The following MGAT4C variants were observed in gnomAD, a reference collection of about 807,000 sequenced individuals.
MGAT4C encodes the protein alpha-1,3-mannosyl-glycoprotein 4-beta-N-acetylglucosaminyltransferase C.
A neutral mutation model predicts 40.1 loss-of-function variants in MGAT4C; 19 were observed. That is an observed-to-expected ratio of 0.47 (90% CI 0.33 to 0.70). MGAT4C has a LOEUF of 0.70. Ranked by LOEUF, MGAT4C falls within the 30% of genes least tolerant of loss-of-function variation. The pLI, the probability that MGAT4C is intolerant of heterozygous loss-of-function variation, is 0.02. For missense variants in MGAT4C, 491 were observed against 563.2 expected (o/e 0.87, Z 1.30); for synonymous variants, 181 against 187.1 (o/e 0.97, Z 0.27).
At chr12:86,777,259 T>C (rs1951762791) in intron 1 of MGAT4C, among the ~76,000 whole-genome samples, 1 of 152,200 alleles carries the variant, frequency 6.6e-6, no homozygotes, top group Non-Finnish European at 1.5e-5. Context: ...AATACAAGCT[T>C]AACAAAATGC....
chr12:86,720,331 T>C (rs187615964), intron 2 of MGAT4C, among the ~76,000 whole-genome samples: 1 of 152,236 alleles, frequency 6.6e-6, no homozygotes, highest in African/African-American at 2.4e-5. Context: ...AGTTATGCAA[T>C]ATCAATTATT....
At chr12:86,023,029 C>A (rs992366247) in intron 2 of MGAT4C, among the ~76,000 whole-genome samples, 2 of 152,022 alleles carry the variant, frequency 1.3e-5, no homozygotes, top group African/African-American at 4.8e-5. Flanking sequence ...TTGATTTTTC[C>A]TGTTTTCTTA....
At chr12:86,725,411 T>G (rs570999600) in intron 2 of MGAT4C, among the ~76,000 whole-genome samples, 1 of 152,286 alleles carries the variant, frequency 6.6e-6, no homozygotes, top group Admixed American at 6.5e-5. Context: ...TCCACAAAAA[T>G]GGGATAAACA....
chr12:86,706,229 A>G (rs1247700568), intron 2 of MGAT4C, among the ~76,000 whole-genome samples: 2 of 152,204 alleles, frequency 1.3e-5, no homozygotes, highest in Non-Finnish European at 2.9e-5. Flanking sequence ...GTCTTACTGG[A>G]TAAATTAAAA....
At position 86,759,255 on chromosome 12, in the gene MGAT4C, T is replaced by A. The variant is rs1951359539; in HGVS notation, c.-261-32014A>T. On this transcript the variant is annotated intron_variant, in intron 1 of 7. Transcript: ENST00000548651. ...TGGCTGAATAGTATTCCATTGTGTATATATACCATGGTGTTTTTTATCCAC... is the reference window on the plus strand; with the variant it reads ...TGGCTGAATAGTATTCCATTGTGTAAATATACCATGGTGTTTTTTATCCAC... 2.6e-5 allele frequency among the ~76,000 whole-genome samples: 4 copies of A among 152,146 alleles called. No homozygotes were observed. The South Asian group carries it at 8.3e-4, about 31-fold the overall frequency.
chr12:86,484,438 C>T (rs757564890), intron 2 of MGAT4C, among the ~76,000 whole-genome samples: 32 of 152,210 alleles, frequency 2.1e-4, no homozygotes, highest in Admixed American at 8.5e-4. Flanking sequence ...GTGCACAGTA[C>T]AGCCTCTGCT....
chr12:86,093,521 G>T (rs1376836589), intron 1 of MGAT4C, among the ~76,000 whole-genome samples: 6 of 152,054 alleles, frequency 3.9e-5, no homozygotes, highest in African/African-American at 1.4e-4. Flanking sequence ...CTGAGCTCAG[G>T]AGTTAGAGAT....
rs961751145 is a variant in MGAT4C, at chr12:86,558,675, C to T, written c.-228-123410G>A. 1.3e-5 allele frequency among the ~76,000 whole-genome samples: 2 copies of T among 152,072 alleles called. 1 individual carries two copies. Among genetic ancestry groups the T allele is most frequent in the South Asian group, 4.2e-4 (2 of 4,818 alleles). On this transcript the variant is annotated intron_variant, in intron 2 of 7. Coordinates refer to the MGAT4C transcript ENST00000548651. The stretch of plus-strand genomic sequence containing the variant: ...AGTCCTATATCTGAAAGTTAAATGA[C>T]AGTATCTACAATTATCAAAACACAT...
rs1194868050 is a variant in MGAT4C at position 85,967,604 on chromosome 12, C to T, written c.*11685G>A. The T allele has an allele frequency of 6.6e-6, 1 of 152,018 alleles. No individual in the cohort carries two copies. The highest frequency in any genetic ancestry group is 2.4e-5 in the African/African-American group (1 of 41,416). 9.4% of individuals were successfully genotyped at this position (152,018 alleles called of 1,614,324 possible). On this transcript the variant is annotated 3_prime_UTR_variant, in exon 5 of 5. Transcript: ENST00000611864. ...TGTATCCATTTATTTAAAAAAGCCT[C>T]ATTTTAGCTAGCAACACTATGTAGA...
intron 2 of MGAT4C, among the ~76,000 whole-genome samples, chr12:86,477,386 C>T (rs971490438): frequency 6.6e-6 from 1 of 151,630 alleles, no homozygotes; most frequent in African/African-American, 2.4e-5. Context: ...ATAAAGAGGA[C>T]CATAGTAGAA....
intron 2 of MGAT4C, among the ~76,000 whole-genome samples, chr12:86,574,052 T>C (rs1960468355): frequency 1.3e-5 from 2 of 151,840 alleles, no homozygotes; most frequent in Admixed American, 6.6e-5. Context: ...AGATACTTTT[T>C]TTTCATTTCC....
At chr12:86,178,002 T>C (rs1566096007) in intron 1 of MGAT4C, among the ~76,000 whole-genome samples, 1 of 152,166 alleles carries the variant, frequency 6.6e-6, no homozygotes, top group Non-Finnish European at 1.5e-5. Context: ...AGTGGCGCGA[T>C]ATTGGCTCAC....
intron 2 of MGAT4C, among the ~76,000 whole-genome samples, chr12:86,595,148 A>G (rs1480971334): frequency 6.6e-6 from 1 of 152,146 alleles, no homozygotes; most frequent in African/African-American, 2.4e-5. Context: ...TTATATTTTT[A>G]CTAATCTCCA....
intron 2 of MGAT4C, among the ~76,000 whole-genome samples, chr12:86,640,316 C>T (rs1963343129): frequency 1.3e-5 from 2 of 151,688 alleles, no homozygotes; most frequent in Non-Finnish European, 2.9e-5. Context: ...GTAATAAGTA[C>T]TTGAGTTATT....
intron 2 of MGAT4C, among the ~76,000 whole-genome samples, chr12:86,035,497 T>C (rs1387090843): frequency 2.7e-5 from 4 of 150,112 alleles, no homozygotes; most frequent in Non-Finnish European, 6.0e-5. Flanking sequence ...GATGAATAGA[T>C]TGCAAACATT....
At chr12:86,339,238 A>G (rs1292956454) in intron 3 of MGAT4C, among the ~76,000 whole-genome samples, 1 of 152,150 alleles carries the variant, frequency 6.6e-6, no homozygotes, top group African/African-American at 2.4e-5. Context: ...GAGTCTGTGC[A>G]TTTAGCCCCT....
chr12:86,331,609 G>T (rs1310297172), intron 4 of MGAT4C, among the ~76,000 whole-genome samples: 1 of 151,980 alleles, frequency 6.6e-6, no homozygotes, highest in Non-Finnish European at 1.5e-5. Flanking sequence ...CCCTGGCATG[G>T]GCTGCAACCA....
chr12:86,614,830 C>G (rs914906088), intron 2 of MGAT4C, among the ~76,000 whole-genome samples: 1 of 151,840 alleles, frequency 6.6e-6, no homozygotes, highest in South Asian at 2.1e-4. Context: ...ATCCTTCTAT[C>G]TAATTTAATT....
chr12:86,174,571 T>TA (rs1887198760), intron 1 of MGAT4C, among the ~76,000 whole-genome samples: 1 of 152,136 alleles, frequency 6.6e-6, no homozygotes, highest in African/African-American at 2.4e-5. Context: ...ATCCAAGCAT[T>TA]ATTTAAGGTT....
Sources: gnomAD v4.1 joint callset for allele counts (sites outside exome capture counted in the v4.1 genomes callset) on GRCh38, gnomAD v4.1.1 for gene constraint, MANE v1.5 for transcripts, NCBI Gene and HGNC (gene_info 2026-07-23, HGNC 2026-07-21) for gene names.